Variants in NELL1 observed in about 807,000 individuals in gnomAD.
The protein encoded by NELL1 is neural EGFL like 1.
Under a neutral mutation model 107.4 loss-of-function variants are expected in NELL1, and 76 were observed. The ratio of observed to expected loss-of-function variants is 0.71; its 90% CI spans 0.59 to 0.86. The LOEUF (loss-of-function observed/expected upper bound fraction) is 0.86. NELL1 is among the 40% of genes least tolerant of loss of function. The pLI, the probability that NELL1 is intolerant of heterozygous loss-of-function variation, is 0.00. For synonymous variants in NELL1, 353 were observed against 341.2 expected, an observed-to-expected ratio of 1.03 and a Z score of -0.38; for missense variants, 1,024 against 1,005.5, an observed-to-expected ratio of 1.02 and a Z score of -0.25.
At chr11:20,903,886 C>A (rs1462199460) in intron 5 of NELL1, among the ~76,000 whole-genome samples, 1 of 152,182 alleles carries the variant, frequency 6.6e-6, no homozygotes, top group East Asian at 1.9e-4. Context: ...AAAAAGGCAA[C>A]CTTAAAACAG....
chr11:20,947,313 T>G (rs573914323), intron 10 of NELL1, 23 bp from the exon 11 acceptor site: 2 of 1,531,168 alleles, frequency 1.3e-6, no homozygotes, highest in African/African-American at 1.4e-5. Context: ...CATCTTTTTC[T>G]TTCCCTAATA....
At chr11:21,570,256 A>G (rs1447300458) in intron 17 of NELL1, among the ~76,000 whole-genome samples, 1 of 151,898 alleles carries the variant, frequency 6.6e-6, no homozygotes, top group African/African-American at 2.4e-5. Flanking sequence ...GAGAACCACT[A>G]CCTAACTATG....
intron 4 of NELL1, 21 bp from the exon 5 acceptor site, chr11:20,885,423 C>T (rs758973762): frequency 6.7e-7 from 1 of 1,485,292 alleles, no homozygotes; most frequent in Admixed American, 1.7e-5. Flanking sequence ...CTATTAGTAA[C>T]TGTGTTCTTT....
intron 14 of NELL1, among the ~76,000 whole-genome samples, chr11:21,367,484 T>G (rs1851255077): frequency 6.6e-6 from 1 of 152,088 alleles, no homozygotes; most frequent in South Asian, 2.1e-4. Flanking sequence ...CGAGGAGTCC[T>G]CACTAAAGAA....
intron 12 of NELL1, among the ~76,000 whole-genome samples, chr11:21,020,714 C>T (rs1427912702): frequency 6.6e-6 from 1 of 151,988 alleles, no homozygotes; most frequent in East Asian, 1.9e-4. Flanking sequence ...CTCCTTCTTG[C>T]CCCTCTCCAC....
intron 2 of NELL1, among the ~76,000 whole-genome samples, chr11:20,746,963 C>T (rs140215519): frequency 1.1e-4 from 17 of 152,268 alleles, no homozygotes; most frequent in African/African-American, 3.6e-4. Context: ...ATTTTCTTTG[C>T]CCTCGAAAGG....
intron 4 of NELL1, among the ~76,000 whole-genome samples, chr11:20,855,235 GC>G (rs1207198619): frequency 6.6e-6 from 1 of 151,622 alleles, no homozygotes; most frequent in Non-Finnish European, 1.5e-5. Flanking sequence ...TGCCTCAATG[GC>G]AAAGAGAGAT....
At chr11:20,927,562 C>T in intron 8 of NELL1, 120 bp downstream of exon 8, 1 of 854,670 alleles carries the variant, frequency 1.2e-6, no homozygotes, top group Non-Finnish European at 1.7e-6. Context: ...AGGTTTTTAC[C>T]TAGCACCCAC....
intron 14 of NELL1, among the ~76,000 whole-genome samples, chr11:21,233,699 G>T (rs920952448): frequency 1.3e-5 from 2 of 152,194 alleles, no homozygotes; most frequent in South Asian, 2.1e-4. Context: ...TGACATGAAG[G>T]TTAGGCTTAT....
At chr11:20,928,504 T>C in intron 9 of NELL1, 25 bp downstream of exon 9, 1 of 1,541,214 alleles carries the variant, frequency 6.5e-7, no homozygotes, top group East Asian at 2.2e-5. Flanking sequence ...AGGGTCAGAC[T>C]GGCTGTCTGT....
intron 15 of NELL1, among the ~76,000 whole-genome samples, chr11:21,403,796 G>A (rs1236240852): frequency 6.6e-6 from 1 of 151,704 alleles, no homozygotes. Context: ...CATCTACCTG[G>A]ACACAGAAAG....
chr11:20,725,264 A>G (rs1358199761), intron 2 of NELL1, among the ~76,000 whole-genome samples: 2 of 152,214 alleles, frequency 1.3e-5, no homozygotes, highest in Non-Finnish European at 2.9e-5. Flanking sequence ...CAAATTTCCT[A>G]CATGAAACAT....
chr11:20,897,033 G>A (rs1849756242), intron 5 of NELL1, among the ~76,000 whole-genome samples: 1 of 152,162 alleles, frequency 6.6e-6, no homozygotes, highest in Admixed American at 6.5e-5. Context: ...AGCTACCAAT[G>A]CCTTTCTTCA....
chr11:21,150,033 C>T (rs1022823394), intron 13 of NELL1, among the ~76,000 whole-genome samples: 5 of 151,970 alleles, frequency 3.3e-5, no homozygotes, highest in Middle Eastern at 3.4e-3. Context: ...AAGAAACAGC[C>T]GTGCAAAAAC....
chr11:20,674,563 CT>C lies in NELL1; in HGVS notation c.56-3367del, dbSNP rs1358565287. The C allele has an allele frequency of 2.6e-6, 4 of 1,525,728 alleles. No homozygotes were observed. In the African/African-American group the frequency reaches 5.5e-5, roughly 21 times the overall value. 94.5% of individuals were successfully genotyped at this position (1,525,728 alleles called of 1,614,324 possible). ...TCTGAAGTCTCTGCTTCAGCAATCC[CT>C]TCAGGGAGGCAGGTATTAACGTTCC... On this transcript the variant is annotated intron_variant, in intron 1 of 19. Transcript: ENST00000357134.
chr11:20,991,808 A>C (rs1304893915), intron 12 of NELL1, among the ~76,000 whole-genome samples: 1 of 152,166 alleles, frequency 6.6e-6, no homozygotes, highest in East Asian at 1.9e-4. Flanking sequence ...ATCATTATGC[A>C]TGTTACTTGC....
At chr11:20,808,670 T>G (rs1250587471) in intron 3 of NELL1, among the ~76,000 whole-genome samples, 1 of 152,250 alleles carries the variant, frequency 6.6e-6, no homozygotes, top group African/African-American at 2.4e-5. Context: ...GTGGTGAGGC[T>G]TGCTGAAACT....
At chr11:21,099,182 GAC>G (rs773368155) in intron 12 of NELL1, among the ~76,000 whole-genome samples, 1 of 142,652 alleles carries the variant, frequency 7.0e-6, no homozygotes, top group Non-Finnish European at 1.5e-5. Flanking sequence ...ATTGGAAAAA[GAC>G]ACTGAACAAC....
At chr11:20,707,999 T>C (rs1855013391) in intron 2 of NELL1, among the ~76,000 whole-genome samples, 1 of 152,204 alleles carries the variant, frequency 6.6e-6, no homozygotes, top group Non-Finnish European at 1.5e-5. Context: ...TCCACCCAGT[T>C]GGAGCTTCCC....
Sources: gnomAD v4.1 joint callset for allele counts (sites outside exome capture counted in the v4.1 genomes callset) on GRCh38, gnomAD v4.1.1 for gene constraint, MANE v1.5 for transcripts, NCBI Gene and HGNC (gene_info 2026-07-23, HGNC 2026-07-21) for gene names.